PRKN: variants seen among roughly 807,000 people sequenced by gnomAD.
The protein encoded by PRKN is parkin RBR E3 ubiquitin protein ligase.
Under a neutral mutation model 59.5 loss-of-function variants are expected in PRKN, and 56 were observed. The observed-to-expected ratio is 0.94, with a 90% CI of 0.76 to 1.18. The LOEUF is 1.18. Ranked by LOEUF, PRKN falls within the 50% of genes most tolerant of loss-of-function variation. The pLI, the probability that PRKN is intolerant of heterozygous loss-of-function variation, is 0.00. For synonymous variants in PRKN, 250 were observed against 222.1 expected, an observed-to-expected ratio of 1.13 and a Z score of -1.12; for missense variants, 657 against 596.4, an observed-to-expected ratio of 1.10 and a Z score of -1.06.
intron 7 of PRKN, among the ~76,000 whole-genome samples, chr6:161,771,860 C>A (rs1486046557): frequency 1.3e-5 from 2 of 152,138 alleles, no homozygotes; most frequent in African/African-American, 2.4e-5. Flanking sequence ...ACAGTATAAA[C>A]CCTCATAAAT....
chr6:162,717,025 G>A (rs927514465), intron 1 of PRKN, among the ~76,000 whole-genome samples: 8 of 152,218 alleles, frequency 5.3e-5, no homozygotes, highest in African/African-American at 1.4e-4. Flanking sequence ...CTTTGCAGAT[G>A]TGATTAAGGA....
At chr6:161,408,317 T>TA (rs35131999) in intron 9 of PRKN, among the ~76,000 whole-genome samples, 20,185 of 99,372 alleles carry the variant, frequency 0.2, 1,682 homozygotes, top group Middle Eastern at 0.28. Flanking sequence ...GAAAAACTGG[T>TA]AAAAAAAAAA....
intron 9 of PRKN, among the ~76,000 whole-genome samples, chr6:161,450,700 G>GCA (rs1020401710): frequency 1.6e-4 from 24 of 152,154 alleles, no homozygotes; most frequent in African/African-American, 5.5e-4. Context: ...GGGACTACAG[G>GCA]TGCCCGCCAC....
intron 6 of PRKN, among the ~76,000 whole-genome samples, chr6:161,932,218 G>A (rs1040846331): frequency 1.3e-5 from 2 of 151,838 alleles, no homozygotes; most frequent in African/African-American, 2.4e-5. Context: ...CTGATGTATC[G>A]TGTTAATTAA....
At chr6:162,727,552 C>T in intron 1 of PRKN, 110 bp downstream of exon 1, 2 of 1,219,850 alleles carry the variant, frequency 1.6e-6, no homozygotes, top group East Asian at 5.3e-5. Flanking sequence ...CACTTTGGCC[C>T]CGTCATTGAC....
At chr6:162,035,715 C>A (rs2128280447) in intron 5 of PRKN, among the ~76,000 whole-genome samples, 1 of 152,078 alleles carries the variant, frequency 6.6e-6, no homozygotes, top group Middle Eastern at 3.4e-3. Flanking sequence ...GCAGAATGAG[C>A]AGAGGAATGG....
intron 6 of PRKN, among the ~76,000 whole-genome samples, chr6:161,846,423 T>C (rs1793200060): frequency 6.6e-6 from 1 of 152,196 alleles, no homozygotes; most frequent in East Asian, 1.9e-4. Context: ...TTATGCTCTT[T>C]ATGCAACAGA....
chr6:161,703,023 T>G (rs1394551787), intron 7 of PRKN, among the ~76,000 whole-genome samples: 1 of 145,484 alleles, frequency 6.9e-6, no homozygotes, highest in Non-Finnish European at 1.5e-5. Flanking sequence ...CTCTGAAGAT[T>G]CAACAGTAAA....
Position 161,448,525 on chromosome 6 carries a change from C to T in PRKN, c.1084-61648G>A, listed in dbSNP as rs191290058. On this transcript the variant is annotated intron_variant, in intron 9 of 11. Transcript: ENST00000366898. This position sits in a 1 kb window ranked among gnomAD's most constrained non-coding sequence, Gnocchi z 5.1. ...AAGCAAAGGTTACAGACATAAAGAT[C>T]TTGCGATTCTCTTATCCCAGTTTCT... Among the ~76,000 whole-genome samples the T allele has an allele frequency of 1.3e-5, 2 of 152,310 alleles. No homozygotes were observed. The highest frequency in any genetic ancestry group is 3.9e-4 in the East Asian group (2 of 5,194).
chr6:162,333,789 G>C (rs192846143), intron 2 of PRKN, among the ~76,000 whole-genome samples: 1 of 152,310 alleles, frequency 6.6e-6, no homozygotes, highest in East Asian at 1.9e-4. Flanking sequence ...ATAAAGCTCA[G>C]TGAGGAAGGC....
chr6:162,263,647 T>C (rs1004574584), intron 2 of PRKN, among the ~76,000 whole-genome samples: 1 of 152,228 alleles, frequency 6.6e-6, no homozygotes, highest in Admixed American at 6.5e-5. Context: ...AATGGAATTC[T>C]AGTTTCAGAA....
At position 161,554,403 on chromosome 6, in the gene PRKN, T is replaced by TATACAC. The variant is rs1554275646; in HGVS notation, c.934-5401_934-5400insGTGTAT. Among the ~76,000 whole-genome samples the TATACAC allele has an allele frequency of 6.8e-6, 1 of 146,990 alleles. No individual in the cohort carries two copies. The highest frequency in any genetic ancestry group is 1.5e-5 in the Non-Finnish European group (1 of 66,882). On this transcript the variant is annotated intron_variant, in intron 8 of 11. Transcript: ENST00000366898. The surrounding 1 kb of genome is among the most constrained non-coding windows in gnomAD (Gnocchi z 4.5). ...TAACCTTCATGTTATCTTACTTCTATACACACACACACACACACACACACA... is the reference window on the plus strand; with the variant it reads ...TAACCTTCATGTTATCTTACTTCTATATACACACACACACACACACACACACACACA...
At chr6:162,177,594 A>G (rs189946253) in intron 4 of PRKN, among the ~76,000 whole-genome samples, 91 of 152,334 alleles carry the variant, frequency 6.0e-4, no homozygotes, top group Middle Eastern at 6.8e-3. Flanking sequence ...CAAAAAAAGA[A>G]AAACAACAAT....
intron 2 of PRKN, among the ~76,000 whole-genome samples, chr6:162,292,540 C>A (rs929393591): frequency 6.6e-6 from 1 of 152,098 alleles, no homozygotes; most frequent in African/African-American, 2.4e-5. Flanking sequence ...GTTGGTGAAT[C>A]TACAGCAGCC....
At chr6:162,034,018 T>A (rs1562474113) in intron 5 of PRKN, among the ~76,000 whole-genome samples, 1 of 152,074 alleles carries the variant, frequency 6.6e-6, no homozygotes, top group Non-Finnish European at 1.5e-5. Context: ...GATAATGTAG[T>A]ATAAACGATC....
intron 4 of PRKN, among the ~76,000 whole-genome samples, chr6:162,181,990 T>A (rs775974549): frequency 6.6e-6 from 1 of 152,196 alleles, no homozygotes; most frequent in Non-Finnish European, 1.5e-5. Context: ...TATCCCAGAA[T>A]ACGTACAAAC....
At chr6:161,927,793 C>T (rs1199849347) in intron 6 of PRKN, among the ~76,000 whole-genome samples, 1 of 150,924 alleles carries the variant, frequency 6.6e-6, no homozygotes, top group East Asian at 1.9e-4. Flanking sequence ...AAAAACTTTA[C>T]AAAAATAAAC....
chr6:162,451,645 T>G (rs1790633098), intron 1 of PRKN, among the ~76,000 whole-genome samples: 1 of 152,078 alleles, frequency 6.6e-6, no homozygotes, highest in African/African-American at 2.4e-5. Flanking sequence ...AATAAAAATC[T>G]GTTAAATAAA....
Position 161,360,260 on chromosome 6 carries a change from G to T in PRKN, c.1168-55C>A. ...TCTCAGCTTTCTATTACTGGGATCA[G>T]AGTTTATGTTCCCTGTACGTCGGTA... On this transcript the variant is annotated intron_variant, in intron 10 of 11. Transcript: ENST00000366898. The surrounding 1 kb of genome is among the most constrained non-coding windows in gnomAD (Gnocchi z 5.1). 11 of 1,343,210 alleles carry T rather than the reference G, an allele frequency of 8.2e-6. No individual in the cohort carries two copies. The South Asian group carries it at 1.3e-4, about 16-fold the overall frequency. 83.2% of individuals were successfully genotyped at this position (1,343,210 alleles called of 1,614,324 possible).
Sources: gnomAD v4.1 joint callset for allele counts (sites outside exome capture counted in the v4.1 genomes callset) on GRCh38, gnomAD v4.1.1 for gene constraint, Gnocchi (gnomAD v3.1) non-coding constraint, MANE v1.5 for transcripts, NCBI Gene and HGNC (gene_info 2026-07-23, HGNC 2026-07-21) for gene names.